PDE4D: variants seen among roughly 807,000 people sequenced by gnomAD.
PDE4D encodes the protein phosphodiesterase 4D.
PDE4D carries 24 observed loss-of-function variants against 87.4 expected under a neutral mutation model. That is an observed-to-expected ratio of 0.27 (90% CI 0.20 to 0.39). The LOEUF (loss-of-function observed/expected upper bound fraction) is 0.39, where lower values mean the gene tolerates loss of function less well. Among genes scored for constraint, PDE4D ranks in the 10% least tolerant of loss-of-function variants. The probability of loss-of-function intolerance (pLI) is 1.00; values close to 1 mark genes in which losing one functional copy is unlikely to be tolerated. For synonymous variants in PDE4D, 384 were observed against 383.2 expected (o/e 1.00, Z -0.02); for missense variants, 714 against 1,041.0 (o/e 0.69, Z 4.32).
intron 3 of PDE4D, among the ~76,000 whole-genome samples, chr5:59,903,111 C>T (rs1279776815): frequency 1.3e-5 from 2 of 152,050 alleles, no homozygotes; most frequent in African/African-American, 4.8e-5. Context: ...AATATCTATC[C>T]CCCACATCCT....
intron 1 of PDE4D, among the ~76,000 whole-genome samples, chr5:59,700,357 T>A (rs1752387185): frequency 1.3e-5 from 2 of 152,168 alleles, no homozygotes; most frequent in Admixed American, 6.5e-5. Flanking sequence ...CTTCTATAAA[T>A]CATGCCACAA....
intron 11 of PDE4D, among the ~76,000 whole-genome samples, chr5:58,984,987 G>A (rs562376867): frequency 3.9e-5 from 6 of 152,182 alleles, no homozygotes; most frequent in Non-Finnish European, 8.8e-5. Flanking sequence ...TCGGCTCACT[G>A]CAACCTCTAC....
intron 1 of PDE4D, among the ~76,000 whole-genome samples, chr5:59,687,564 G>A (rs538674209): frequency 2.0e-5 from 3 of 152,244 alleles, no homozygotes; most frequent in Admixed American, 2.0e-4. Context: ...AGCTCCTGAA[G>A]GAAGTGCTAA....
intron 2 of PDE4D, among the ~76,000 whole-genome samples, chr5:60,174,796 C>T (rs1235151855): frequency 1.3e-5 from 2 of 152,052 alleles, no homozygotes; most frequent in Non-Finnish European, 2.9e-5. Context: ...CCTTACTTCT[C>T]TTTAGGTAAT....
In PDE4D at chr5:59,668,845, G is replaced by GGAAGAAGAA. The variant is rs1208323931; in HGVS notation, c.455+224314_455+224322dup. ...AAGAAGAAGAAGAGGAAGAGGAAGA[G>GGAAGAAGAA]GAAGAAGAAGAAGAAGAAGAAGAAG... On this transcript the variant is annotated intron_variant, in intron 1 of 14. Transcript: ENST00000340635. 9.4e-3 allele frequency among the ~76,000 whole-genome samples: 586 copies of GGAAGAAGAA among 62,054 alleles called. 16 individuals are homozygous for GGAAGAAGAA. Among genetic ancestry groups the GGAAGAAGAA allele is most frequent in the Middle Eastern group, 0.013 (2 of 154 alleles). The allele number at this position is 62,054 out of a possible 152,430, so 40.7% of individuals were successfully genotyped here.
At chr5:59,329,699 T>C (rs1776360545) in intron 1 of PDE4D, among the ~76,000 whole-genome samples, 1 of 152,204 alleles carries the variant, frequency 6.6e-6, no homozygotes. Context: ...GTTATTTGAA[T>C]GTAAAAAACC....
intron 1 of PDE4D, among the ~76,000 whole-genome samples, chr5:60,226,231 TA>T (rs1745085787): frequency 6.6e-6 from 1 of 152,124 alleles, no homozygotes; most frequent in Non-Finnish European, 1.5e-5. Context: ...AAGGGTTCTT[TA>T]AAGTGACTGT....
intron 1 of PDE4D, among the ~76,000 whole-genome samples, chr5:60,484,085 A>G (rs1270839842): frequency 6.6e-6 from 1 of 152,096 alleles, no homozygotes; most frequent in Non-Finnish European, 1.5e-5. Flanking sequence ...TTGACCATTC[A>G]TTGCATCCCT....
At chr5:59,474,090 T>G (rs1802894136) in intron 1 of PDE4D, among the ~76,000 whole-genome samples, 1 of 152,134 alleles carries the variant, frequency 6.6e-6, no homozygotes, top group Non-Finnish European at 1.5e-5. Context: ...CCTATTTAAC[T>G]AAAATCACGG....
At chr5:60,087,174 G>C (rs910527776) in intron 2 of PDE4D, among the ~76,000 whole-genome samples, 3 of 152,192 alleles carry the variant, frequency 2.0e-5, no homozygotes, top group African/African-American at 7.2e-5. Context: ...CCAGCAAAGT[G>C]TTTTTGTACC....
At chr5:59,698,795 T>C (rs1752167188) in intron 1 of PDE4D, among the ~76,000 whole-genome samples, 1 of 152,156 alleles carries the variant, frequency 6.6e-6, no homozygotes, top group East Asian at 1.9e-4. Context: ...ATGCATTTGA[T>C]TCAAAAAACT....
rs980535602 is a variant in PDE4D at position 58,977,480 on chromosome 5, G to T, written c.1553-135C>A. On this transcript the variant is annotated intron_variant, in intron 11 of 14. Coordinates refer to ENST00000340635, the MANE Select transcript of PDE4D (RefSeq NM_001104631.2). ...CCTTATCATTACCTGACAATATCCA[G>T]GAGAGAATAAATCAGATAACATAAG... is the stretch of plus-strand genomic sequence containing the variant. 81 of 734,552 alleles carry T rather than the reference G, an allele frequency of 1.1e-4. No individual in the cohort carries two copies. In the Admixed American group the frequency reaches 1.2e-3, roughly 10 times the overall value. 45.5% of individuals were successfully genotyped at this position (734,552 alleles called of 1,614,324 possible).
chr5:59,058,850 A>T (rs1021409466), intron 5 of PDE4D, among the ~76,000 whole-genome samples: 1 of 152,168 alleles, frequency 6.6e-6, no homozygotes, highest in Non-Finnish European at 1.5e-5. Context: ...AGAAACAAAG[A>T]ATCTCTAATA....
chr5:60,376,705 C>T (rs1761460972), intron 1 of PDE4D, among the ~76,000 whole-genome samples: 1 of 152,208 alleles, frequency 6.6e-6, no homozygotes, highest in Non-Finnish European at 1.5e-5. Flanking sequence ...CTCTACCCCT[C>T]ACTGCACACA....
At chr5:59,265,654 A>G (rs185367023) in intron 1 of PDE4D, among the ~76,000 whole-genome samples, 3 of 152,092 alleles carry the variant, frequency 2.0e-5, no homozygotes, top group Admixed American at 2.0e-4. Flanking sequence ...ATTAACATAT[A>G]CATCATTGCT....
intron 1 of PDE4D, among the ~76,000 whole-genome samples, chr5:60,357,051 T>C (rs1285420217): frequency 6.6e-6 from 1 of 151,166 alleles, no homozygotes; most frequent in Non-Finnish European, 1.5e-5. Context: ...ATACTGCAAC[T>C]AGAAACAGAG....
chr5:59,586,301 C>T (rs755306916), intron 1 of PDE4D: 1 of 1,528,372 alleles, frequency 6.5e-7, no homozygotes. Context: ...CTGAGTTTTA[C>T]AAACTGAAGG....
At chr5:59,599,400 AT>A (rs1827173209) in intron 1 of PDE4D, among the ~76,000 whole-genome samples, 1 of 150,742 alleles carries the variant, frequency 6.6e-6, no homozygotes, top group Non-Finnish European at 1.5e-5. Context: ...TTATTTATTT[AT>A]TTATTTTTTT....
Position 58,991,835 on chromosome 5 carries a change from G to T in PDE4D, c.1185C>A (p.Ala395=), listed in dbSNP as rs751898903. 2 of 1,479,870 alleles carry T rather than the reference G, an allele frequency of 1.4e-6. No homozygotes were observed. Among genetic ancestry groups the T allele is most frequent in the African/African-American group, 1.4e-5 (1 of 69,566 alleles). 91.7% of individuals were successfully genotyped at this position (1,479,870 alleles called of 1,614,324 possible). Residue 395 remains alanine, a synonymous_variant, in exon 8 of 15, where the codon GCC becomes GCA. Coordinates refer to ENST00000340635, the MANE Select transcript of PDE4D (RefSeq NM_001104631.2). ...GVKTEQEDVL[A]KELEDVNKWG... is the part of the protein sequence containing the mutation. ...CTGATCTTTGAAATCATCATACCTT[G>T]GCAAGGACATCTTCTTGTTCAGTTT...
Sources: allele counts gnomAD v4.1 joint callset (sites outside exome capture counted in the v4.1 genomes callset), GRCh38; gene constraint gnomAD v4.1.1; transcripts MANE v1.5; gene names NCBI Gene and HGNC (gene_info 2026-07-23, HGNC 2026-07-21).